The following AQP7B variants were observed in gnomAD, a reference collection of about 807,000 sequenced individuals.
The protein encoded by AQP7B is putative aquaporin-7B.
the AQP7B span, among the ~76,000 whole-genome samples, chr2:94,588,983 CTTT>C: frequency 1.3e-3 from 181 of 135,376 alleles, no homozygotes; most frequent in African/African-American, 4.5e-3. Context: ...GTTTTTTTTT[CTTT>C]TTTTTTTTTT....
the AQP7B span, among the ~76,000 whole-genome samples, chr2:94,589,042 G>T: frequency 6.8e-6 from 1 of 146,514 alleles, no homozygotes; most frequent in Non-Finnish European, 1.5e-5. Context: ...GAGTGCAATA[G>T]CACGATCTTG....
the AQP7B span, chr2:94,602,734 G>GGC: frequency 9.2e-7 from 1 of 1,084,726 alleles, no homozygotes; most frequent in Non-Finnish European, 1.3e-6. Flanking sequence ...TGGCCACCGG[G>GGC]CAGGAGGAAG....
the AQP7B span, chr2:94,588,678 C>G: frequency 1.4e-6 from 1 of 690,006 alleles, no homozygotes. Flanking sequence ...CCTCCCCACC[C>G]ACCCACTCAC....
chr2:94,597,938 T>C, the AQP7B span, among the ~76,000 whole-genome samples: 1 of 152,174 alleles, frequency 6.6e-6, no homozygotes, highest in African/African-American at 2.4e-5. Context: ...ACCTCTATGC[T>C]CTGTACCTTA....
At chr2:94,603,418 G>A in the AQP7B span, 1 of 1,609,396 alleles carries the variant, frequency 6.2e-7, no homozygotes, top group Non-Finnish European at 8.5e-7. Context: ...AGAGCTGATG[G>A]TGACCGGTCC....
At chr2:94,602,804 A>T in the AQP7B span, among the ~76,000 whole-genome samples, 16 of 152,088 alleles carry the variant, frequency 1.1e-4, no homozygotes, top group African/African-American at 3.6e-4. Context: ...GGCCCCCCTG[A>T]CCTACCATTT....
At chr2:94,597,792 A>G in the AQP7B span, among the ~76,000 whole-genome samples, 1 of 152,058 alleles carries the variant, frequency 6.6e-6, no homozygotes, top group Non-Finnish European at 1.5e-5. Context: ...TTTAGGAAAT[A>G]CAAGGTTTCA....
the AQP7B span, among the ~76,000 whole-genome samples, chr2:94,594,398 C>A: frequency 1.3e-5 from 2 of 152,232 alleles, no homozygotes; most frequent in African/African-American, 2.4e-5. Context: ...ACTTTCCAGC[C>A]TGCTCTCTCC....
the AQP7B span, among the ~76,000 whole-genome samples, chr2:94,593,775 C>A: frequency 6.6e-6 from 1 of 151,916 alleles, no homozygotes; most frequent in East Asian, 1.9e-4. Flanking sequence ...CGTGAGCTAC[C>A]GGGCCCAGCC....
the AQP7B span, chr2:94,603,325 G>A: frequency 3.3e-6 from 5 of 1,527,682 alleles, no homozygotes; most frequent in Middle Eastern, 5.2e-4. Flanking sequence ...CCTCATTTCT[G>A]GGACCCCAGT....
chr2:94,603,044 C>T, the AQP7B span: 2 of 1,597,442 alleles, frequency 1.3e-6, no homozygotes, highest in Non-Finnish European at 8.5e-7. Flanking sequence ...CAGGAGCCCA[C>T]ATGAATGCAG....
the AQP7B span, chr2:94,604,230 A>T: frequency 4.0e-6 from 6 of 1,490,974 alleles, no homozygotes; most frequent in Non-Finnish European, 4.5e-6. Flanking sequence ...CCCAAGGTGG[A>T]TGAGGGTGCT....
chr2:94,602,632 C>T, the AQP7B span: 3 of 1,578,406 alleles, frequency 1.9e-6, no homozygotes, highest in African/African-American at 1.3e-5. Context: ...GAGCCCAGGG[C>T]CTACCAGACT....
At chr2:94,593,480 C>CTTTT in the AQP7B span, among the ~76,000 whole-genome samples, 31 of 113,942 alleles carry the variant, frequency 2.7e-4, 2 homozygotes, top group South Asian at 3.0e-4. Flanking sequence ...TCCTCTTCCT[C>CTTTT]TTTTTTTTTT....
chr2:94,602,479 C>T, the AQP7B span: 176 of 1,600,856 alleles, frequency 1.1e-4, no homozygotes, highest in Middle Eastern at 2.3e-3. Context: ...CCCTTAGAGG[C>T]CCTCCCTTGT....
chr2:94,589,159 T>A, the AQP7B span, among the ~76,000 whole-genome samples: 2 of 151,212 alleles, frequency 1.3e-5, no homozygotes, highest in Non-Finnish European at 2.9e-5. Context: ...CCCAGCTAAT[T>A]AGTTGTTGTT....
chr2:94,603,872 G>A, the AQP7B span: 8 of 1,392,426 alleles, frequency 5.7e-6, no homozygotes, highest in South Asian at 6.1e-5. Context: ...AATCCATCCC[G>A]GGACCCGCCC....
chr2:94,598,276 A>G, the AQP7B span, among the ~76,000 whole-genome samples: 1 of 152,200 alleles, frequency 6.6e-6, no homozygotes, highest in African/African-American at 2.4e-5. Context: ...TTGCCAAAAA[A>G]GCTAGTGTGA....
the AQP7B span, among the ~76,000 whole-genome samples, chr2:94,592,303 TGA>T: frequency 2.0e-5 from 3 of 152,140 alleles, no homozygotes; most frequent in Non-Finnish European, 4.4e-5. Context: ...GCAGAGGGAA[TGA>T]GAGACGTCCA....
Sources: gnomAD v4.1 joint callset for allele counts (sites outside exome capture counted in the v4.1 genomes callset) on GRCh38, gnomAD v4.1.1 for gene constraint, MANE v1.5 for transcripts, NCBI Gene and HGNC (gene_info 2026-07-23, HGNC 2026-07-21) for gene names.